PCDHGA9: variants seen among roughly 807,000 people sequenced by gnomAD.
PCDHGA9 encodes protocadherin gamma-A9.
PCDHGA9 carries 37 observed loss-of-function variants against 62.5 expected under a neutral mutation model. The observed-to-expected ratio is 0.59, with a 90% confidence interval of 0.46 to 0.78. PCDHGA9 has a LOEUF of 0.78. PCDHGA9 is among the 30% of genes least tolerant of loss of function. PCDHGA9 has a pLI of 0.00. For synonymous variants in PCDHGA9, 459 were observed against 484.6 expected (o/e 0.95, Z 0.69); for missense variants, 1,138 against 1,166.2 (o/e 0.98, Z 0.35).
At position 141,491,466 on chromosome 5, in the gene PCDHGA9, T is replaced by C; in HGVS notation, c.2425-3341T>C. The C allele has an allele frequency of 6.2e-7, 1 of 1,614,068 alleles. No homozygotes were observed. The highest frequency in any genetic ancestry group is 8.5e-7 in the Non-Finnish European group (1 of 1,179,986). ...AGGACTCACCCTCCCCGGACTTCTA[T>C]AAGCAGTCCAGCCCCAACCTGCAGG... On this transcript the variant is annotated intron_variant, in intron 1 of 3. Transcript: ENST00000573521. The surrounding 1 kb of genome is among the most constrained non-coding windows in gnomAD (Gnocchi z 6.9).
intron 1 of PCDHGA9, chr5:141,430,554 A>G (rs372392559): frequency 3.2e-5 from 13 of 411,906 alleles, no homozygotes; most frequent in Admixed American, 4.0e-5. Context: ...CTGTTCACCA[A>G]TCGGGGAGAG....
At chr5:141,464,729 G>T (rs1412585185) in intron 1 of PCDHGA9, among the ~76,000 whole-genome samples, 1 of 151,948 alleles carries the variant, frequency 6.6e-6, no homozygotes, top group Non-Finnish European at 1.5e-5. Context: ...ATGTTTAAAA[G>T]CCAGTTTATA....
intron 3 of PCDHGA9, among the ~76,000 whole-genome samples, chr5:141,507,784 T>C (rs2099863290): frequency 6.6e-6 from 1 of 152,136 alleles, no homozygotes; most frequent in Non-Finnish European, 1.5e-5. Context: ...GGCCTGACCC[T>C]CGTCTAAGCC....
At position 141,489,969 on chromosome 5, in the gene PCDHGA9, A is replaced by C. The variant is rs746202385; in HGVS notation, c.2425-4838A>C. On this transcript the variant is annotated intron_variant, in intron 1 of 3. Coordinates refer to ENST00000573521, the MANE Select transcript of PCDHGA9 (RefSeq NM_018921.3). This position sits in a 1 kb window ranked among gnomAD's most constrained non-coding sequence, Gnocchi z 4.5. The stretch of plus-strand genomic sequence containing the variant: ...TCAATGATAATGCTCCAACCTTCCA[A>C]TCCTCAGTTCTACGTGTGGGAATCC... 4 of 1,614,008 alleles carry C rather than the reference A, an allele frequency of 2.5e-6. No individual in the cohort carries two copies.
chr5:141,409,820 C>T (rs1276944982), intron 1 of PCDHGA9: 4 of 1,610,926 alleles, frequency 2.5e-6, no homozygotes, highest in Non-Finnish European at 3.4e-6. Flanking sequence ...CCACGGCTCG[C>T]CCACGCTCAG....
rs1408454981 is a variant in PCDHGA9, at chr5:141,489,682, T to C, written c.2425-5125T>C. The C allele has an allele frequency of 6.2e-7, 1 of 1,614,184 alleles. No individual in the cohort carries two copies. The highest frequency in any genetic ancestry group is 8.5e-7 in the Non-Finnish European group (1 of 1,180,024). On this transcript the variant is annotated intron_variant, in intron 1 of 3. Transcript: ENST00000573521. This position sits in a 1 kb window ranked among gnomAD's most constrained non-coding sequence, Gnocchi z 4.5. ...GATGCGCATCTCAGAATCAGCAGCATCTGGGGCACGATTCCCACTGGACAG... is the reference window on the plus strand; with the variant it reads ...GATGCGCATCTCAGAATCAGCAGCACCTGGGGCACGATTCCCACTGGACAG...
At chr5:141,471,492 G>A (rs912591449) in intron 1 of PCDHGA9, 1 of 152,176 alleles carries the variant, frequency 6.6e-6, no homozygotes, top group Non-Finnish European at 1.5e-5. Context: ...GGAATTTAGG[G>A]AATGCAAGAG....
intron 1 of PCDHGA9, chr5:141,430,541 C>T: frequency 2.5e-6 from 1 of 392,344 alleles, no homozygotes; most frequent in Non-Finnish European, 4.5e-6. Flanking sequence ...ACTCTGAGCG[C>T]CGCTGTTCAC....
intron 1 of PCDHGA9, among the ~76,000 whole-genome samples, chr5:141,455,393 C>G (rs574741955): frequency 6.4e-4 from 97 of 152,150 alleles, no homozygotes; most frequent in African/African-American, 2.2e-3. Flanking sequence ...GAAGGAGCTC[C>G]CCCTTACAGA....
In PCDHGA9 at chr5:141,487,930, G is replaced by T; in HGVS notation, c.2425-6877G>T. On this transcript the variant is annotated intron_variant, in intron 1 of 3. Coordinates refer to ENST00000573521, the MANE Select transcript of PCDHGA9 (RefSeq NM_018921.3). This position sits in a 1 kb window ranked among gnomAD's most constrained non-coding sequence, Gnocchi z 5.0. Reference sequence around the variant, plus strand: ...GAGCACAGGAGGCTACAGTGCACAGGGTACAGTGCACCAGGCAGTCACTTG... The same window carrying T: ...GAGCACAGGAGGCTACAGTGCACAGTGTACAGTGCACCAGGCAGTCACTTG... 2 of 613,220 alleles carry T rather than the reference G, an allele frequency of 3.3e-6. No homozygotes were observed. Among genetic ancestry groups the T allele is most frequent in the African/African-American group, 1.8e-5 (1 of 54,186 alleles). 38.0% of individuals were successfully genotyped at this position (613,220 alleles called of 1,614,324 possible).
chr5:141,481,913 CAA>C (rs34114744), intron 1 of PCDHGA9, among the ~76,000 whole-genome samples: 12,059 of 90,730 alleles, frequency 0.13, 576 homozygotes, highest in African/African-American at 0.21. Flanking sequence ...AACTCCATCT[CAA>C]AAAAAAAAAA....
intron 1 of PCDHGA9, among the ~76,000 whole-genome samples, chr5:141,451,703 A>G (rs975120935): frequency 6.6e-6 from 1 of 152,144 alleles, no homozygotes; most frequent in Non-Finnish European, 1.5e-5. Flanking sequence ...GTAACATGAC[A>G]AAACCCTGCC....
intron 1 of PCDHGA9, chr5:141,422,581 G>A (rs1223117895): frequency 3.7e-6 from 6 of 1,613,984 alleles, no homozygotes; most frequent in Non-Finnish European, 4.2e-6. Flanking sequence ...TAACCCTCCC[G>A]TTTTTCCTCA....
At chr5:141,475,553 TTGTC>T (rs2099365287) in intron 1 of PCDHGA9, among the ~76,000 whole-genome samples, 2 of 152,260 alleles carry the variant, frequency 1.3e-5, no homozygotes, top group Non-Finnish European at 2.9e-5. Context: ...GTCCGGCTAA[TTGTC>T]TGTCTTCCAA....
At chr5:141,457,607 T>C (rs578113551) in intron 1 of PCDHGA9, among the ~76,000 whole-genome samples, 2 of 152,360 alleles carry the variant, frequency 1.3e-5, no homozygotes, top group African/African-American at 4.8e-5. Context: ...AAACTAATTA[T>C]GAATGAACTT....
chr5:141,425,207 G>A lies in PCDHGA9; in HGVS notation c.2424+19831G>A, dbSNP rs546494803. 1.8e-3 allele frequency among the ~76,000 whole-genome samples: 281 copies of A among 152,238 alleles called. 1 individual carries two copies. The highest frequency in any genetic ancestry group is 6.6e-3 in the African/African-American group (274 of 41,534). ...TCCAAACTGAGAAAAATGATGTAAG[G>A]CATTGTACTTTGACTGGAATTAGTT... On this transcript the variant is annotated intron_variant, in intron 1 of 3. Coordinates refer to ENST00000573521, the MANE Select transcript of PCDHGA9 (RefSeq NM_018921.3).
Position 141,485,200 on chromosome 5 carries a change from A to C in PCDHGA9, c.2425-9607A>C. 1 of 1,614,116 alleles carries C rather than the reference A, an allele frequency of 6.2e-7. No homozygotes were observed. The highest frequency in any genetic ancestry group is 2.2e-5 in the East Asian group (1 of 44,872). ...TGCTCCGCAAGGTGAGAAGCTGGAC[A>C]GAAATCTGGCGGTGGGCTACCCTTT... On this transcript the variant is annotated intron_variant, in intron 1 of 3. Coordinates refer to ENST00000573521, the MANE Select transcript of PCDHGA9 (RefSeq NM_018921.3). This position sits in a 1 kb window ranked among gnomAD's most constrained non-coding sequence, Gnocchi z 5.7.
At chr5:141,433,020 C>G (rs761127608) in intron 1 of PCDHGA9, 5 of 1,614,152 alleles carry the variant, frequency 3.1e-6, no homozygotes, top group East Asian at 2.2e-5. Flanking sequence ...CAGACCTATT[C>G]CCACGAGGTT....
chr5:141,413,218 A>G, intron 1 of PCDHGA9: 1 of 1,613,610 alleles, frequency 6.2e-7, no homozygotes. Flanking sequence ...AAAGGATTGC[A>G]GCGGGCTGGT....
Sources: gnomAD v4.1 joint callset for allele counts (sites outside exome capture counted in the v4.1 genomes callset) on GRCh38, gnomAD v4.1.1 for gene constraint, Gnocchi (gnomAD v3.1) non-coding constraint, MANE v1.5 for transcripts, NCBI Gene and HGNC (gene_info 2026-07-23, HGNC 2026-07-21) for gene names.